The following PPA2 variants were observed in gnomAD, a reference collection of about 807,000 sequenced individuals.
PPA2 encodes the protein inorganic pyrophosphatase 2.
Under a neutral mutation model 49.5 loss-of-function variants are expected in PPA2, and 48 were observed. The ratio of observed to expected loss-of-function variants is 0.97; its 90% CI spans 0.77 to 1.23. The LOEUF (loss-of-function observed/expected upper bound fraction) is 1.23, where lower values mean the gene tolerates loss of function less well. Ranked by LOEUF, PPA2 falls within the 50% of genes most tolerant of loss-of-function variation. PPA2 has a pLI of 0.00. For synonymous variants in PPA2, 131 were observed against 139.9 expected (o/e 0.94, Z 0.45); for missense variants, 429 against 410.1 (o/e 1.05, Z -0.40).
chr4:105,403,254 A>G (rs954408836), intron 7 of PPA2, among the ~76,000 whole-genome samples: 10 of 152,066 alleles, frequency 6.6e-5, no homozygotes, highest in Non-Finnish European at 1.5e-4. Context: ...TTTGTTGCCC[A>G]GGCTGGTCTT....
intron 5 of PPA2, among the ~76,000 whole-genome samples, chr4:105,443,590 TTCACACACACACACACAC>T (rs1349668439): frequency 8.8e-6 from 1 of 113,032 alleles, no homozygotes; most frequent in African/African-American, 3.6e-5. Context: ...TTATGGTGTA[TTCACACACACACACACAC>T]ACACACACAC....
chr4:105,413,191 A>C (rs1018165419), intron 7 of PPA2, among the ~76,000 whole-genome samples: 2 of 152,216 alleles, frequency 1.3e-5, no homozygotes, highest in Admixed American at 1.3e-4. Context: ...GTCATGGATG[A>C]AGCTGGAAAC....
chr4:105,379,799 T>G (rs1733413744), intron 10 of PPA2, among the ~76,000 whole-genome samples: 1 of 151,904 alleles, frequency 6.6e-6, no homozygotes, highest in South Asian at 2.1e-4. Context: ...ATGCCCGCCT[T>G]ATTTTTGTAT....
chr4:105,427,396 T>C (rs1394768126), intron 6 of PPA2, among the ~76,000 whole-genome samples: 1 of 152,076 alleles, frequency 6.6e-6, no homozygotes, highest in East Asian at 1.9e-4. Context: ...AATAACAAAC[T>C]TCTCCGAGCT....
intron 9 of PPA2, among the ~76,000 whole-genome samples, chr4:105,394,635 T>C (rs2110388401): frequency 6.6e-6 from 1 of 152,288 alleles, no homozygotes; most frequent in South Asian, 2.1e-4. Context: ...TTATCATTAC[T>C]CAGGAGGCTA....
chr4:105,451,949 A>T (rs752527782), intron 3 of PPA2, among the ~76,000 whole-genome samples: 1 of 152,222 alleles, frequency 6.6e-6, no homozygotes, highest in Non-Finnish European at 1.5e-5. Context: ...TGGTCTGCCA[A>T]ATTTTATCTG....
intron 7 of PPA2, among the ~76,000 whole-genome samples, chr4:105,414,402 C>T (rs1381193468): frequency 1.3e-5 from 2 of 152,352 alleles, no homozygotes; most frequent in East Asian, 3.9e-4. Flanking sequence ...TCCACCCACT[C>T]GGCCTGGCAG....
intron 6 of PPA2, among the ~76,000 whole-genome samples, chr4:105,429,919 C>A (rs1314027793): frequency 6.6e-6 from 1 of 151,998 alleles, no homozygotes; most frequent in Admixed American, 6.5e-5. Flanking sequence ...TTAAGAGAAA[C>A]CCAGAAATAG....
chr4:105,407,081 T>G (rs1023643522), intron 7 of PPA2: 2 of 136,542 alleles, frequency 1.5e-5, no homozygotes, highest in African/African-American at 5.1e-5. Context: ...TCGTGAAGTG[T>G]TCCATATTAA....
At chr4:105,465,713 C>T (rs1431793166) in intron 1 of PPA2, among the ~76,000 whole-genome samples, 3 of 152,158 alleles carry the variant, frequency 2.0e-5, no homozygotes, top group Non-Finnish European at 4.4e-5. Context: ...CTCCAGTCTT[C>T]GAGCATTCAG....
At chr4:105,429,947 T>C (rs1228008400) in intron 6 of PPA2, among the ~76,000 whole-genome samples, 1 of 152,204 alleles carries the variant, frequency 6.6e-6, no homozygotes, top group African/African-American at 2.4e-5. Context: ...TAAGCAGATG[T>C]TCCATGTGCT....
intron 3 of PPA2, among the ~76,000 whole-genome samples, chr4:105,450,832 C>T (rs1722646235): frequency 6.6e-6 from 1 of 152,188 alleles, no homozygotes; most frequent in Non-Finnish European, 1.5e-5. Context: ...TGGTCTCGAT[C>T]TCCTGACCTC....
rs929515449 is a variant in PPA2, at chr4:105,369,632, AG to A, written c.*92del. 5.0e-5 allele frequency: 61 copies of A among 1,209,218 alleles called. No homozygotes were observed. The African/African-American group carries it at 8.3e-4, about 16-fold the overall frequency. The allele number at this position is 1,209,218 out of a possible 1,614,324, so 74.9% of individuals were successfully genotyped here. A position where few individuals can be genotyped will look rare whatever the true frequency, so the allele number is the denominator to read the frequency against. Reference sequence around the variant, plus strand: ...AAGTTTGAAAAAATGAAGTTTTAACAGGAAGTCAGTAAATGCTCATAGACCC... The same window carrying A: ...AAGTTTGAAAAAATGAAGTTTTAACAGAAGTCAGTAAATGCTCATAGACCC... On this transcript the variant is annotated 3_prime_UTR_variant, in exon 12 of 12. Transcript: ENST00000341695.
chr4:105,463,969 C>G (rs1031438961), intron 1 of PPA2, among the ~76,000 whole-genome samples: 1 of 152,084 alleles, frequency 6.6e-6, no homozygotes. Context: ...TCGGGGCCCC[C>G]ATACAGAGTC....
intron 1 of PPA2, among the ~76,000 whole-genome samples, chr4:105,459,283 T>C (rs1024834717): frequency 3.0e-4 from 46 of 152,158 alleles, no homozygotes; most frequent in African/African-American, 1.1e-3. Flanking sequence ...TAAAAAAAAC[T>C]TCTCTTTCAT....
intron 7 of PPA2, among the ~76,000 whole-genome samples, chr4:105,410,170 AG>A (rs1019704509): frequency 2.6e-5 from 4 of 152,236 alleles, no homozygotes; most frequent in African/African-American, 9.6e-5. Flanking sequence ...ACCTTGAAAA[AG>A]GTTACACAAA....
intron 7 of PPA2, among the ~76,000 whole-genome samples, chr4:105,403,844 C>T (rs72668225): frequency 0.029 from 4,350 of 151,810 alleles, 85 homozygotes; most frequent in Non-Finnish European, 0.044. Flanking sequence ...AACCAAATTT[C>T]CTTTCCATAT....
At chr4:105,454,677 C>A (rs879438319) in intron 2 of PPA2, among the ~76,000 whole-genome samples, 1 of 152,080 alleles carries the variant, frequency 6.6e-6, no homozygotes, top group Non-Finnish European at 1.5e-5. Flanking sequence ...GTACAAAGCA[C>A]GAGTTTTAAT....
intron 9 of PPA2, 38 bp downstream of exon 9, chr4:105,396,211 A>AGT (rs1475770219): frequency 1.5e-6 from 2 of 1,323,078 alleles, no homozygotes; most frequent in Admixed American, 4.9e-5. Flanking sequence ...AATACCAATT[A>AGT]ATATAACATT....
Sources: gnomAD v4.1 joint callset for allele counts (sites outside exome capture counted in the v4.1 genomes callset) on GRCh38, gnomAD v4.1.1 for gene constraint, MANE v1.5 for transcripts, NCBI Gene and HGNC (gene_info 2026-07-23, HGNC 2026-07-21) for gene names.